PITPNM1: variants seen among roughly 807,000 people sequenced by gnomAD.
PITPNM1 encodes the protein phosphatidylinositol transfer protein membrane associated 1.
Under a neutral mutation model 133.3 loss-of-function variants are expected in PITPNM1, and 74 were observed. The ratio of observed to expected loss-of-function variants is 0.56; its 90% CI spans 0.46 to 0.67. PITPNM1 has a LOEUF of 0.67. Among genes scored for constraint, PITPNM1 ranks in the 30% least tolerant of loss-of-function variants. The pLI is 0.00. For missense variants in PITPNM1, 1,398 were observed against 1,739.5 expected (o/e 0.80, Z 3.49); for synonymous variants, 738 against 741.4 (o/e 1.00, Z 0.08).
chr11:67,494,842 C>T lies in PITPNM1; in HGVS notation c.2742+4G>A. ...GGCGAGGGGGCGAGGGGCAGGGCAC[C>T]TACCCGGATCTTGACCTGCGTGCGT... On this transcript the variant is annotated splice_donor_region_variant and intron_variant, in intron 18 of 23. Coordinates refer to ENST00000356404, the MANE Select transcript of PITPNM1 (RefSeq NM_004910.3). The T allele has an allele frequency of 6.2e-7, 1 of 1,606,150 alleles. No individual in the cohort carries two copies. Among genetic ancestry groups the T allele is most frequent in the Non-Finnish European group, 8.5e-7 (1 of 1,174,486 alleles).
chr11:67,499,144 C>A, intron 8 of PITPNM1, 143 bp from the exon 9 acceptor site: 1 of 775,678 alleles, frequency 1.3e-6, no homozygotes, highest in Non-Finnish European at 2.0e-6. Flanking sequence ...ACCAACTCTC[C>A]CAGGTCAGTT....
intron 21 of PITPNM1, 27 bp from the exon 22 acceptor site, chr11:67,493,620 C>T (rs1044480147): frequency 6.5e-7 from 1 of 1,545,478 alleles, no homozygotes; most frequent in African/African-American, 1.4e-5. Flanking sequence ...GCGGTCAGCT[C>T]CGCTGGCCAG....
In PITPNM1 at chr11:67,505,325, G is replaced by A. The variant is rs1432859208; in HGVS notation, c.-179C>T. 1.3e-5 allele frequency: 2 copies of A among 151,820 alleles called. No individual in the cohort carries two copies. Among genetic ancestry groups the A allele is most frequent in the African/African-American group, 4.8e-5 (2 of 41,338 alleles). 9.4% of individuals were successfully genotyped at this position (151,820 alleles called of 1,614,324 possible). A position where few individuals can be genotyped will look rare whatever the true frequency, so the allele number is the denominator to read the frequency against. On this transcript the variant is annotated 5_prime_UTR_variant, in exon 1 of 24. Transcript: ENST00000356404. The surrounding 1 kb of genome is among the most constrained non-coding windows in gnomAD (Gnocchi z 5.8). ...CTCCCGAGGCGCAGTGCCGGCCCATGGCCCCGACCTTCCTCTCGATCCGCC... is the reference window on the plus strand; with the variant it reads ...CTCCCGAGGCGCAGTGCCGGCCCATAGCCCCGACCTTCCTCTCGATCCGCC...
rs1207925381 is a variant in PITPNM1 at position 67,502,138 on chromosome 11, T to G, written c.416-52A>C. 1.9e-6 allele frequency: 3 copies of G among 1,576,058 alleles called. No homozygotes were observed. The South Asian group carries it at 3.4e-5, about 18-fold the overall frequency. The stretch of plus-strand genomic sequence containing the variant: ...AGCGCCAGCCCCTTTGAGCCCCCGC[T>G]CCTGGCACCCTCTTGGGACTGGATG... On this transcript the variant is annotated intron_variant, in intron 4 of 23. Transcript: ENST00000356404. This position sits in a 1 kb window ranked among gnomAD's most constrained non-coding sequence, Gnocchi z 5.9.
chr11:67,494,167 C>T, intron 19 of PITPNM1, 77 bp downstream of exon 19: 1 of 1,577,142 alleles, frequency 6.3e-7, no homozygotes, highest in Non-Finnish European at 8.7e-7. Flanking sequence ...AGGGGCACAA[C>T]CACCAGGGAC....
intron 12 of PITPNM1, 50 bp downstream of exon 12, chr11:67,497,867 C>A: frequency 6.4e-7 from 1 of 1,560,490 alleles, no homozygotes; most frequent in Non-Finnish European, 8.8e-7. Flanking sequence ...AGACCTAGAG[C>A]CAGAGAGGGC....
At chr11:67,496,051 C>G in intron 15 of PITPNM1, 127 bp downstream of exon 15, 1 of 916,154 alleles carries the variant, frequency 1.1e-6, no homozygotes, top group Admixed American at 4.1e-5. Context: ...GGAAGGAGCG[C>G]CTGGTCCTGG....
At chr11:67,494,819 C>CGAGTGGAT (rs748536300) in intron 18 of PITPNM1, 27 bp downstream of exon 18, 227 of 1,379,874 alleles carry the variant, frequency 1.6e-4, no homozygotes, top group Non-Finnish European at 2.2e-4. Flanking sequence ...GGCGAGTGGG[C>CGAGTGGAT]GAGGGGGCGA....
At position 67,504,207 on chromosome 11, in the gene PITPNM1, C is replaced by T. The variant is rs899576193; in HGVS notation, c.-27G>A. 3 of 1,558,570 alleles carry T rather than the reference C, an allele frequency of 1.9e-6. No individual in the cohort carries two copies. Among genetic ancestry groups the T allele is most frequent in the African/African-American group, 1.4e-5 (1 of 73,378 alleles). On this transcript the variant is annotated 5_prime_UTR_variant, in exon 2 of 24. Transcript: ENST00000356404. The surrounding 1 kb of genome is among the most constrained non-coding windows in gnomAD (Gnocchi z 5.4). ...CTGAAGGCGCTCGGCGGGCCGCGCG[C>T]GGCCTCCGCTCCTCCTGGCGCAGGG...
chr11:67,497,513 G>T lies in PITPNM1; in HGVS notation c.1940+9C>A. On this transcript the variant is annotated intron_variant, in intron 13 of 23. Transcript: ENST00000356404. ...GCCCAGGGTAGGGGTGATGGGGCAG[G>T]GACGTCACCTGTTCTGAGAGCCCTC... 1.2e-6 allele frequency: 2 copies of T among 1,605,074 alleles called. No individual in the cohort carries two copies. The highest frequency in any genetic ancestry group is 1.3e-5 in the African/African-American group (1 of 74,608).
rs1323798711 is a variant in PITPNM1 at position 67,495,148 on chromosome 11, C to T, written c.2560G>A (p.Val854Ile). The T allele has an allele frequency of 4.3e-6, 7 of 1,612,410 alleles. No homozygotes were observed. The Admixed American group carries it at 5.0e-5, about 12-fold the overall frequency. The change falls in exon 17 of 24, where the codon GTC (valine) becomes ATC (isoleucine). Residue 854 changes from valine (V) to isoleucine (I), a missense_variant. Physicochemically the swap from Val to Ile is conservative, Grantham distance 29. Around this residue, in one of 5 missense-constraint regions of PITPNM1, gnomAD observed 574 missense variants for 698.7 expected, o/e 0.82. Transcript: ENST00000356404. ...GCGTGGAAGAGGTGGGGCAGCGTGACGGTGGGAAAGGCGGTGAGCGCCTCG... is the reference window on the plus strand; with the variant it reads ...GCGTGGAAGAGGTGGGGCAGCGTGATGGTGGGAAAGGCGGTGAGCGCCTCG... ...CPEALTAFPT[V>I]TLPHLFHASY... is the part of the protein sequence containing the mutation.
rs1865941844 is a variant in PITPNM1, at chr11:67,492,087, G to C, written c.3681C>G (p.Thr1227=). 6.2e-7 allele frequency: 1 copy of C among 1,612,414 alleles called. No individual in the cohort carries two copies. Residue 1227 remains threonine (T), a synonymous_variant, in exon 24 of 24, where the codon ACC becomes ACG. Transcript: ENST00000356404. ...EREGPGTPPT[T]LARGKARSIS... is the part of the protein sequence containing the mutation. ...TGCTCCGTGCTTTGCCCCGTGCCAG[G>C]GTGGTGGGTGGTGTTCCCGGGCCCT... is the stretch of plus-strand genomic sequence containing the variant.
chr11:67,495,205 T>C lies in PITPNM1; in HGVS notation c.2503A>G (p.Thr835Ala). The change falls in exon 17 of 24, where the codon ACC (threonine) becomes GCC (alanine). Residue 835 changes from threonine (T) to alanine (A), a missense_variant. Transcript: ENST00000356404. ...VVKILERWWG[T>A]KRIDYSLYCP... ...TACAGCGAGTAGTCGATCCGCTTGG[T>C]CCCCCACCAGCGCTCCAGGACTGCG... is the stretch of plus-strand genomic sequence containing the variant. 6.2e-7 allele frequency: 1 copy of C among 1,604,250 alleles called. No individual in the cohort carries two copies. The highest frequency in any genetic ancestry group is 8.5e-7 in the Non-Finnish European group (1 of 1,175,040).
At position 67,504,176 on chromosome 11, in the gene PITPNM1, A is replaced by C. The variant is rs1455967519; in HGVS notation, c.5T>G (p.Leu2Arg). The C allele has an allele frequency of 6.2e-7, 1 of 1,603,610 alleles. No individual in the cohort carries two copies. The highest frequency in any genetic ancestry group is 8.5e-7 in the Non-Finnish European group (1 of 1,176,168). Residue 2 changes from leucine (L) to arginine (R), a missense_variant, in exon 2 of 24, where the codon CTC (leucine) becomes CGC (arginine). By Grantham distance (102) the Leu-to-Arg change is moderately radical (BLOSUM62 -2). This residue lies in a region of PITPNM1 where 274 missense variants were observed against 360.7 expected (regional missense o/e 0.76). Coordinates refer to ENST00000356404, the MANE Select transcript of PITPNM1 (RefSeq NM_004910.3). This position sits in a 1 kb window ranked among gnomAD's most constrained non-coding sequence, Gnocchi z 5.4. The stretch of plus-strand genomic sequence containing the variant: ...CAGCAGAATGTGGTATTCCTTGATG[A>C]GCATCCTGAAGGCGCTCGGCGGGCC... M[L>R]IKEYHILLPM...
chr11:67,502,066 C>T lies in PITPNM1; in HGVS notation c.436G>A (p.Asp146Asn). 4 of 1,612,792 alleles carry T rather than the reference C, an allele frequency of 2.5e-6. No homozygotes were observed. Among genetic ancestry groups the T allele is most frequent in the Non-Finnish European group, 3.4e-6 (4 of 1,179,706 alleles). ...RILDTIDIVR[D>N]AVAPGEYKAE... Reference sequence around the variant, plus strand: ...TTGTACTCGCCTGGGGCCACTGCATCCCGCACGATGTCGATGGTGTCTGAG... The same window carrying T: ...TTGTACTCGCCTGGGGCCACTGCATTCCGCACGATGTCGATGGTGTCTGAG... The change falls in exon 5 of 24, where the codon GAT becomes AAT. Residue 146 changes from aspartate to asparagine, a missense_variant. By Grantham distance (23) the Asp-to-Asn change is conservative (BLOSUM62 1). This residue lies in a region of PITPNM1 where 274 missense variants were observed against 360.7 expected (regional missense o/e 0.76). Transcript: ENST00000356404. This position sits in a 1 kb window ranked among gnomAD's most constrained non-coding sequence, Gnocchi z 5.9.
At position 67,494,308 on chromosome 11, in the gene PITPNM1, G is replaced by T. The variant is rs1327200208; in HGVS notation, c.2795C>A (p.Pro932His). The change falls in exon 19 of 24, where the codon CCC becomes CAC. Residue 932 changes from proline (P) to histidine (H), a missense_variant. This residue lies in a region of PITPNM1 where 233 missense variants were observed against 378.0 expected (regional missense o/e 0.62). Coordinates refer to ENST00000356404, the MANE Select transcript of PITPNM1 (RefSeq NM_004910.3). ...CATGAAGCGCCCGCTTAGCACCTGG[G>T]GGCGGCCCTCGCACACCACCGTGTC... ...ASDTVVCEGR[P>H]QVLSGRFMYG... 3.1e-6 allele frequency: 5 copies of T among 1,612,152 alleles called. No homozygotes were observed. In the South Asian group the frequency reaches 5.5e-5, roughly 18 times the overall value.
Position 67,502,698 on chromosome 11 carries a change from A to T in PITPNM1, c.99T>A (p.Ser33=). 6.2e-7 allele frequency: 1 copy of T among 1,612,924 alleles called. No homozygotes were observed. Among genetic ancestry groups the T allele is most frequent in the South Asian group, 1.1e-5 (1 of 91,078 alleles). Residue 33 remains serine (S), a synonymous_variant, in exon 3 of 24, where the codon TCT becomes TCA. Transcript: ENST00000356404. The surrounding 1 kb of genome is among the most constrained non-coding windows in gnomAD (Gnocchi z 5.9). ...YMIQKKSREE[S]SGEGSGVEIL... ...TCTCCACGCCGCTGCCCTCACCACT[A>T]GACTCCTCCCGGCTCTTTTTCTGTG...
intron 5 of PITPNM1, among the ~76,000 whole-genome samples, chr11:67,500,876 T>G (rs1300138458): frequency 6.6e-6 from 1 of 152,264 alleles, no homozygotes; most frequent in Non-Finnish European, 1.5e-5. Context: ...TATTTTTATC[T>G]TAAGCAGAAG....
In PITPNM1 at chr11:67,497,248, A is replaced by G; in HGVS notation, c.2129T>C (p.Val710Ala). 2.5e-6 allele frequency: 4 copies of G among 1,608,866 alleles called. No individual in the cohort carries two copies. Among genetic ancestry groups the G allele is most frequent in the Non-Finnish European group, 8.5e-7 (1 of 1,177,266 alleles). Residue 710 changes from valine to alanine, a missense_variant, in exon 14 of 24, where the codon GTG (valine) becomes GCG (alanine). Physicochemically the swap from Val to Ala is moderately conservative, Grantham distance 64. Around this residue, in one of 5 missense-constraint regions of PITPNM1, gnomAD observed 574 missense variants for 698.7 expected, o/e 0.82. Transcript: ENST00000356404. ...GGACTCACCCTCCAGGGCGGGCATC[A>G]CAGTTTTGCGCAGAGCCAGCACCAG... ...LGLVLALRKT[V>A]MPALEAAQMR... is the part of the protein sequence containing the mutation.
Sources: allele counts gnomAD v4.1 joint callset (sites outside exome capture counted in the v4.1 genomes callset), GRCh38; gene constraint gnomAD v4.1.1; regional missense constraint gnomAD v4.1.1; non-coding constraint Gnocchi (gnomAD v3.1); transcripts MANE v1.5; gene names NCBI Gene and HGNC (gene_info 2026-07-23, HGNC 2026-07-21).